The following MMRN2 variants were observed in gnomAD, a reference collection of about 807,000 sequenced individuals.
The protein encoded by MMRN2 is multimerin 2.
In MMRN2, 53 loss-of-function variants were observed where a neutral mutation model predicts 68.8. That is an observed-to-expected ratio of 0.77 (90% CI 0.62 to 0.97). The LOEUF (loss-of-function observed/expected upper bound fraction) is 0.97, where lower values mean the gene tolerates loss of function less well. Ranked by LOEUF, MMRN2 falls within the 50% of genes least tolerant of loss-of-function variation. The pLI is 0.00. For missense variants in MMRN2, 1,266 were observed against 1,259.5 expected (o/e 1.01, Z -0.08); for synonymous variants, 564 against 551.6 (o/e 1.02, Z -0.32).
chr10:86,948,294 C>G (rs1428933852), intron 1 of MMRN2, among the ~76,000 whole-genome samples: 1 of 146,966 alleles, frequency 6.8e-6, no homozygotes, highest in Admixed American at 6.7e-5. Context: ...AAAACTAAGA[C>G]TGTGTAAGGA....
At position 86,942,589 on chromosome 10, in the gene MMRN2, CCGTGAAGGGAGG is replaced by C. The variant is rs1378423240; in HGVS notation, c.2183_2194del (p.Ala728_His731del). ...AGTGGCGAAGAGTGCGTTGTGGAGG[CCGTGAAGGGAGG>C]CGTTGAGGGAGGCGGCCCCGGCCCC... On this transcript the variant is annotated inframe_deletion, in exon 6 of 7. Transcript: ENST00000372027. 8 of 1,611,192 alleles carry C rather than the reference CCGTGAAGGGAGG, an allele frequency of 5.0e-6. No homozygotes were observed. Among genetic ancestry groups the C allele is most frequent in the Admixed American group, 1.7e-5 (1 of 60,000 alleles).
intron 1 of MMRN2, among the ~76,000 whole-genome samples, chr10:86,953,257 G>A (rs1256705125): frequency 6.6e-6 from 1 of 152,204 alleles, no homozygotes; most frequent in African/African-American, 2.4e-5. Context: ...ACAGGATTAA[G>A]AGATTAAAGC....
rs1309090662 is a variant in MMRN2, at chr10:86,943,445, G to A, written c.1339C>T (p.Arg447Cys). Residue 447 changes from arginine (R) to cysteine (C), a missense_variant, in exon 6 of 7, where the codon CGC becomes TGC. Arg to Cys is a radical substitution (Grantham distance 180). Coordinates refer to ENST00000372027, the MANE Select transcript of MMRN2 (RefSeq NM_024756.3). This position sits in a 1 kb window ranked among gnomAD's most constrained non-coding sequence, Gnocchi z 4.2. ...AGAGACTTCTCCATCAGGATCACGC[G>A]CAGCTCACGGAGCGCCGTGTGGTTC... is the stretch of plus-strand genomic sequence containing the variant. ...QVNHTALREL[R>C]VILMEKSLIM... 1.2e-6 allele frequency: 2 copies of A among 1,614,154 alleles called. No homozygotes were observed. The highest frequency in any genetic ancestry group is 2.2e-5 in the East Asian group (1 of 44,878).
intron 1 of MMRN2, chr10:86,950,019 T>C (rs7084498): frequency 0.43 from 65,475 of 151,458 alleles, 15,050 homozygotes; most frequent in East Asian, 0.71. Context: ...CTGGGCAATA[T>C]AGTGAGACTT....
At position 86,943,034 on chromosome 10, in the gene MMRN2, C is replaced by T. The variant is rs1205742994; in HGVS notation, c.1750G>A (p.Glu584Lys). 1 of 1,350,212 alleles carries T rather than the reference C, an allele frequency of 7.4e-7. No homozygotes were observed. 83.6% of individuals were successfully genotyped at this position (1,350,212 alleles called of 1,614,324 possible). A position where few individuals can be genotyped will look rare whatever the true frequency, so the allele number is the denominator to read the frequency against. The change falls in exon 6 of 7, where the codon GAG (glutamate) becomes AAG (lysine). Residue 584 changes from glutamate (E) to lysine (K), a missense_variant. By Grantham distance (56) the Glu-to-Lys change is moderately conservative. Transcript: ENST00000372027. This position sits in a 1 kb window ranked among gnomAD's most constrained non-coding sequence, Gnocchi z 4.2. ...EVGALKAAAA[E>K]ARHEVRQLHS... Reference sequence around the variant, plus strand: ...AGCTGGCGCACCTCGTGGCGGGCCTCGGCCGCGGCCGCCTTCAGCGCGCCC... The same window carrying T: ...AGCTGGCGCACCTCGTGGCGGGCCTTGGCCGCGGCCGCCTTCAGCGCGCCC...
rs189398284 is a variant in MMRN2 at position 86,954,502 on chromosome 10, G to A, written c.164+2876C>T. On this transcript the variant is annotated intron_variant, in intron 1 of 6. Transcript: ENST00000372027. ...AGGGAGCCTGTGGGAGGGGGAGGGCGCATCCATTATGCAGATTGTGTGGAG... is the reference window on the plus strand; with the variant it reads ...AGGGAGCCTGTGGGAGGGGGAGGGCACATCCATTATGCAGATTGTGTGGAG... 6.2e-3 allele frequency among the ~76,000 whole-genome samples: 937 copies of A among 152,168 alleles called. 10 individuals carry two copies. Among genetic ancestry groups the A allele is most frequent in the African/African-American group, 0.021 (886 of 41,486 alleles).
chr10:86,956,395 C>T (rs758702309), intron 1 of MMRN2, among the ~76,000 whole-genome samples: 2 of 152,194 alleles, frequency 1.3e-5, no homozygotes, highest in Admixed American at 6.5e-5. Flanking sequence ...GTCCGCTCTG[C>T]GATGGTGGCT....
In MMRN2 at chr10:86,943,515, G is replaced by A. The variant is rs867442471; in HGVS notation, c.1269C>T (p.Phe423=). The A allele has an allele frequency of 2.2e-5, 35 of 1,614,218 alleles. No individual in the cohort carries two copies. The East Asian group carries it at 7.4e-4, about 34-fold the overall frequency. The change falls in exon 6 of 7, where the codon TTC becomes TTT. Residue 423 remains phenylalanine (F), a synonymous_variant. Coordinates refer to ENST00000372027, the MANE Select transcript of MMRN2 (RefSeq NM_024756.3). This position sits in a 1 kb window ranked among gnomAD's most constrained non-coding sequence, Gnocchi z 4.2. ...KELYSESDET[F]DQISKVERQV... ...GCCGCTCCACCTTGCTAATCTGATCGAAAGTCTCGTCCGATTCGGAGTACA... is the reference window on the plus strand; with the variant it reads ...GCCGCTCCACCTTGCTAATCTGATCAAAAGTCTCGTCCGATTCGGAGTACA...
intron 1 of MMRN2, among the ~76,000 whole-genome samples, chr10:86,956,353 C>G (rs1564736062): frequency 6.6e-6 from 1 of 152,246 alleles, no homozygotes; most frequent in African/African-American, 2.4e-5. Context: ...AAACCTGCAA[C>G]TCAGAAGCCA....
Position 86,942,798 on chromosome 10 carries a change from C to A in MMRN2, c.1986G>T (p.Val662=). The A allele has an allele frequency of 7.4e-7, 1 of 1,359,974 alleles. No individual in the cohort carries two copies. The highest frequency in any genetic ancestry group is 1.7e-5 in the South Asian group (1 of 57,972). 84.2% of individuals were successfully genotyped at this position (1,359,974 alleles called of 1,614,324 possible). The stretch of plus-strand genomic sequence containing the variant: ...GCTCCGAGGCCTGCTCCAGGGCCGT[C>A]ACTCGGGCGGCCAGCTCGTCCCAGC... ...ALGWDELAAR[V]TALEQASEPP... is the part of the protein sequence containing the mutation. The change falls in exon 6 of 7, where the codon GTG becomes GTT. Residue 662 remains valine (V), a synonymous_variant. Coordinates refer to ENST00000372027, the MANE Select transcript of MMRN2 (RefSeq NM_024756.3).
At chr10:86,938,576 G>C (rs974947313) in intron 6 of MMRN2, among the ~76,000 whole-genome samples, 2 of 152,236 alleles carry the variant, frequency 1.3e-5, no homozygotes, top group African/African-American at 4.8e-5. Context: ...CTTGGGTCCT[G>C]GCTGTGACAC....
chr10:86,942,535 AGCCGCTGGTGCT>A lies in MMRN2; in HGVS notation c.2237_2248del (p.Gln746_Arg749del), dbSNP rs1843987638. 6.2e-7 allele frequency: 1 copy of A among 1,613,580 alleles called. No homozygotes were observed. Among genetic ancestry groups the A allele is most frequent in the Non-Finnish European group, 8.5e-7 (1 of 1,179,958 alleles). ...GAAGTTCCCAAAGAGGCTGTGGAAG[AGCCGCTGGTGCT>A]GCTCCAAGCTGCGCTGAGTGGCGAA... is the stretch of plus-strand genomic sequence containing the variant. On this transcript the variant is annotated inframe_deletion, in exon 6 of 7. Coordinates refer to ENST00000372027, the MANE Select transcript of MMRN2 (RefSeq NM_024756.3).
intron 1 of MMRN2, chr10:86,949,154 T>C (rs1844109987): frequency 6.6e-6 from 1 of 152,194 alleles, no homozygotes; most frequent in Admixed American, 6.5e-5. Context: ...ACAAAATCAG[T>C]AATTGGAATG....
At chr10:86,951,879 C>G (rs1385264897) in intron 1 of MMRN2, among the ~76,000 whole-genome samples, 2 of 152,012 alleles carry the variant, frequency 1.3e-5, no homozygotes, top group Non-Finnish European at 2.9e-5. Flanking sequence ...ACAACCCTGT[C>G]TCTACAAAAA....
intron 1 of MMRN2, among the ~76,000 whole-genome samples, chr10:86,954,438 T>G (rs1357823036): frequency 6.6e-6 from 1 of 152,170 alleles, no homozygotes; most frequent in Non-Finnish European, 1.5e-5. Context: ...GCTGTGCCTC[T>G]GCGGCACACA....
rs1005494699 is a variant in MMRN2 at position 86,936,937 on chromosome 10, G to A, written c.2656C>T (p.Gln886Ter). ...VEFGPGPGTG[Q>*]LVFGGHHRTP... ...CGATGGTGACCTCCAAACACCAGCT[G>A]CCCGGTGCCTGGCCCTGGGCCAAAT... The change falls in exon 7 of 7, where the codon CAG becomes TAG. Residue 886 changes from glutamine (Q) to a stop codon, truncating the protein, a stop_gained. Transcript: ENST00000372027. LOFTEE classifies it low-confidence loss of function (END_TRUNC). 15 of 1,614,108 alleles carry A rather than the reference G, an allele frequency of 9.3e-6. No individual in the cohort carries two copies. The highest frequency in any genetic ancestry group is 1.3e-5 in the Non-Finnish European group (15 of 1,180,044).
chr10:86,946,739 A>G (rs1050277519), intron 1 of MMRN2, among the ~76,000 whole-genome samples: 6 of 152,202 alleles, frequency 3.9e-5, no homozygotes, highest in African/African-American at 1.4e-4. Flanking sequence ...TCTGTGGCAC[A>G]GTACAGCTCA....
chr10:86,945,433 C>A lies in MMRN2; in HGVS notation c.337G>T (p.Val113Leu), dbSNP rs1165546005. The change falls in exon 3 of 7, where the codon GTG (valine) becomes TTG (leucine). Residue 113 changes from valine (V) to leucine (L), a missense_variant. Transcript: ENST00000372027. ...HKPVYQVKQK[V>L]LTSLAWRCCP... ...CACCTCCAGGCCAAAGAGGTCAGCA[C>A]CTTCTGCTTGACCTGGTACACTGGC... 2 of 1,570,118 alleles carry A rather than the reference C, an allele frequency of 1.3e-6. No homozygotes were observed. The highest frequency in any genetic ancestry group is 3.7e-5 in the Admixed American group (2 of 53,342).
chr10:86,940,108 G>A (rs891099918), intron 6 of MMRN2, among the ~76,000 whole-genome samples: 1 of 151,610 alleles, frequency 6.6e-6, no homozygotes. Context: ...TGCCTCCCGG[G>A]TTCAAGTGAT....
Sources: allele counts gnomAD v4.1 joint callset (sites outside exome capture counted in the v4.1 genomes callset), GRCh38; gene constraint gnomAD v4.1.1; non-coding constraint Gnocchi (gnomAD v3.1); transcripts MANE v1.5; gene names NCBI Gene and HGNC (gene_info 2026-07-23, HGNC 2026-07-21).